Variants in ZFHX3 observed in about 807,000 individuals in gnomAD.
ZFHX3 encodes zinc finger homeobox protein 3.
A neutral mutation model predicts 279.1 loss-of-function variants in ZFHX3; 42 were observed. The observed-to-expected ratio is 0.15, with a 90% CI of 0.12 to 0.19. The LOEUF (loss-of-function observed/expected upper bound fraction) is 0.19, where lower values mean the gene tolerates loss of function less well. Among genes scored for constraint, ZFHX3 ranks in the 10% least tolerant of loss-of-function variants. The pLI is 1.00. For missense variants in ZFHX3, 4,981 were observed against 4,754.0 expected (o/e 1.05, Z -1.40); for synonymous variants, 2,293 against 1,957.8 (o/e 1.17, Z -4.52).
chr16:73,740,253 C>T (rs928886308), intron 1 of ZFHX3, among the ~76,000 whole-genome samples: 1 of 152,104 alleles, frequency 6.6e-6, no homozygotes, highest in African/African-American at 2.4e-5. Context: ...CCTCTACACA[C>T]TCCTTGGGCA....
chr16:73,417,947 C>T (rs1253269410), intron 3 of ZFHX3, among the ~76,000 whole-genome samples: 14 of 140,762 alleles, frequency 9.9e-5, no homozygotes. Flanking sequence ...TGAGATCGCG[C>T]CACTGCACTC....
chr16:72,893,769 G>A (rs150202841), intron 3 of ZFHX3, among the ~76,000 whole-genome samples: 347 of 152,178 alleles, frequency 2.3e-3, no homozygotes, highest in African/African-American at 7.7e-3. Context: ...GAACACCTAG[G>A]GTTCTCTCCT....
chr16:72,928,525 G>C (rs563705939), intron 3 of ZFHX3, among the ~76,000 whole-genome samples: 1 of 152,218 alleles, frequency 6.6e-6, no homozygotes, highest in African/African-American at 2.4e-5. Flanking sequence ...CGGTGTTTAT[G>C]ATAGGCCCCC....
intron 3 of ZFHX3, among the ~76,000 whole-genome samples, chr16:73,369,870 T>G (rs5000749): frequency 0.68 from 103,459 of 151,554 alleles, 35,822 homozygotes; most frequent in Non-Finnish European, 0.76. Context: ...GTCTCTCAAC[T>G]ATTACAGTCA....
chr16:73,245,845 G>T (rs55986695), intron 5 of ZFHX3, among the ~76,000 whole-genome samples: 25,912 of 152,054 alleles, frequency 0.17, 3,527 homozygotes, highest in East Asian at 0.44. Context: ...TAAGAGTAAG[G>T]GTCCTAGAAG....
At chr16:73,057,707 C>G (rs1340841163) in intron 1 of ZFHX3, among the ~76,000 whole-genome samples, 1 of 151,660 alleles carries the variant, frequency 6.6e-6, no homozygotes, top group Non-Finnish European at 1.5e-5. Context: ...AGAGTCCCCT[C>G]TGGGCGCTCG....
At chr16:73,621,016 G>A (rs1163589183) in intron 2 of ZFHX3, among the ~76,000 whole-genome samples, 1 of 152,312 alleles carries the variant, frequency 6.6e-6, no homozygotes, top group Non-Finnish European at 1.5e-5. Flanking sequence ...AATGGGGATC[G>A]TAGCATCCAT....
At chr16:73,872,835 G>T (rs1343716672) in intron 1 of ZFHX3, among the ~76,000 whole-genome samples, 2 of 2,926 alleles carry the variant, frequency 6.8e-4, no homozygotes, top group Non-Finnish European at 1.3e-3. Flanking sequence ...GGTGGATGGT[G>T]GTGGGTGGTG....
intron 3 of ZFHX3, chr16:73,420,999 T>C (rs1015426212): frequency 6.6e-6 from 1 of 152,238 alleles, no homozygotes; most frequent in African/African-American, 2.4e-5. Flanking sequence ...CATAACGTAG[T>C]ATAAACAGAA....
chr16:72,957,620 G>A lies in ZFHX3; in HGVS notation c.2526C>T (p.Ile842=), dbSNP rs758663880. 74 of 1,614,070 alleles carry A rather than the reference G, an allele frequency of 4.6e-5. No individual in the cohort carries two copies. The highest frequency in any genetic ancestry group is 5.9e-5 in the Non-Finnish European group (70 of 1,180,042). ...CGAGGCCCAGGTGGCGGTTGTGTTG[G>A]ATCTGGGTCATGTTCTGTTGCAGTA... ...MMLLQQNMTQ[I]QHNRHLGLGS... is the part of the protein sequence containing the mutation. The change falls in exon 2 of 10, where the codon ATC becomes ATT. Residue 842 remains isoleucine (I), a synonymous_variant. Coordinates refer to ENST00000268489, the MANE Select transcript of ZFHX3 (RefSeq NM_006885.4).
intron 5 of ZFHX3, among the ~76,000 whole-genome samples, chr16:73,237,745 T>C (rs2013000112): frequency 6.6e-6 from 1 of 152,100 alleles, no homozygotes; most frequent in Non-Finnish European, 1.5e-5. Context: ...TCATAGCCTA[T>C]GTTATTTGTA....
chr16:72,859,917 C>T (rs1468843650), intron 4 of ZFHX3, among the ~76,000 whole-genome samples: 1 of 152,162 alleles, frequency 6.6e-6, no homozygotes, highest in Middle Eastern at 3.2e-3. Flanking sequence ...GGCCGTAAGA[C>T]AGGCTAGTTT....
chr16:73,332,282 A>G (rs970677275), intron 3 of ZFHX3, among the ~76,000 whole-genome samples: 43 of 152,348 alleles, frequency 2.8e-4, no homozygotes, highest in Middle Eastern at 3.4e-3. Context: ...AAAAATTTAT[A>G]TAACGAAGCT....
At chr16:73,395,457 C>G (rs1438709406) in intron 3 of ZFHX3, among the ~76,000 whole-genome samples, 3 of 151,952 alleles carry the variant, frequency 2.0e-5, no homozygotes, top group Admixed American at 2.0e-4. Flanking sequence ...AAGTGAGGAT[C>G]TGTCTCCAAA....
chr16:73,377,787 A>G (rs2016747208), intron 3 of ZFHX3, among the ~76,000 whole-genome samples: 1 of 151,636 alleles, frequency 6.6e-6, no homozygotes, highest in South Asian at 2.1e-4. Flanking sequence ...TAATCCCAGC[A>G]CTTTGGGAGG....
At chr16:73,485,110 A>C (rs1256616580) in intron 2 of ZFHX3, among the ~76,000 whole-genome samples, 2 of 152,208 alleles carry the variant, frequency 1.3e-5, no homozygotes, top group Admixed American at 1.3e-4. Context: ...TAACAAAAAT[A>C]GGAGGAGGAC....
chr16:73,448,385 A>C (rs1300237523), intron 3 of ZFHX3, among the ~76,000 whole-genome samples: 1 of 152,174 alleles, frequency 6.6e-6, no homozygotes, highest in Admixed American at 6.5e-5. Flanking sequence ...AAAGTAACAT[A>C]ATGATTTTTA....
At chr16:72,800,480 T>G (rs1431131949) in intron 7 of ZFHX3, among the ~76,000 whole-genome samples, 1 of 152,220 alleles carries the variant, frequency 6.6e-6, no homozygotes, top group Non-Finnish European at 1.5e-5. Flanking sequence ...AGGCCCACCT[T>G]AAGCTGCTGA....
intron 5 of ZFHX3, among the ~76,000 whole-genome samples, chr16:73,192,705 C>T (rs1014920491): frequency 6.6e-6 from 1 of 152,186 alleles, no homozygotes; most frequent in Non-Finnish European, 1.5e-5. Flanking sequence ...ACTAATCGCT[C>T]GTAATTGTCC....
Sources: allele counts gnomAD v4.1 joint callset (sites outside exome capture counted in the v4.1 genomes callset), GRCh38; gene constraint gnomAD v4.1.1; transcripts MANE v1.5; gene names NCBI Gene and HGNC (gene_info 2026-07-23, HGNC 2026-07-21).